CCSER1: variants seen among roughly 807,000 people sequenced by gnomAD.
The protein encoded by CCSER1 is serine-rich coiled-coil domain-containing protein 1.
Under a neutral mutation model 82.0 loss-of-function variants are expected in CCSER1, and 41 were observed. The ratio of observed to expected loss-of-function variants is 0.50; its 90% CI spans 0.39 to 0.65. CCSER1 has a LOEUF of 0.65. Among genes scored for constraint, CCSER1 ranks in the 30% least tolerant of loss-of-function variants. The pLI, the probability that CCSER1 is intolerant of heterozygous loss-of-function variation, is 0.00. For missense variants in CCSER1, 1,119 were observed against 1,064.2 expected, an observed-to-expected ratio of 1.05 and a Z score of -0.72; for synonymous variants, 414 against 383.9, an observed-to-expected ratio of 1.08 and a Z score of -0.92.
intron 1 of CCSER1, among the ~76,000 whole-genome samples, chr4:90,193,415 A>G (rs1736011276): frequency 6.6e-6 from 1 of 152,080 alleles, no homozygotes; most frequent in African/African-American, 2.4e-5. Flanking sequence ...TGAATTTGGA[A>G]TTGAATAGCT....
chr4:91,507,421 TTTTA>T (rs920571773), intron 10 of CCSER1, among the ~76,000 whole-genome samples: 7 of 152,172 alleles, frequency 4.6e-5, no homozygotes, highest in South Asian at 2.1e-4. Context: ...TTTGCATATC[TTTTA>T]TTTATTTATT....
intron 8 of CCSER1, among the ~76,000 whole-genome samples, chr4:90,901,344 A>C (rs1724627794): frequency 6.6e-6 from 1 of 151,852 alleles, no homozygotes; most frequent in South Asian, 2.1e-4. Context: ...ATTGTTAGCT[A>C]GTTGCTTTGT....
chr4:90,454,080 G>C (rs1022805143), intron 4 of CCSER1, among the ~76,000 whole-genome samples: 1 of 152,154 alleles, frequency 6.6e-6, no homozygotes, highest in African/African-American at 2.4e-5. Context: ...ACAGGGTCAA[G>C]GTGGCTTTCT....
At chr4:90,453,892 C>A (rs1309290407) in intron 4 of CCSER1, among the ~76,000 whole-genome samples, 3 of 152,140 alleles carry the variant, frequency 2.0e-5, no homozygotes, top group Admixed American at 2.0e-4. Context: ...TTCCTCCCTT[C>A]AACTTTCAGA....
intron 4 of CCSER1, among the ~76,000 whole-genome samples, chr4:90,453,977 G>T (rs1761837176): frequency 6.6e-6 from 1 of 152,164 alleles, no homozygotes; most frequent in African/African-American, 2.4e-5. Flanking sequence ...GGATGTGTGA[G>T]TCCTGCTGGA....
chr4:90,234,214 C>CT (rs555966703), intron 1 of CCSER1, among the ~76,000 whole-genome samples: 1,435 of 141,372 alleles, frequency 0.01, 7 homozygotes, highest in African/African-American at 0.015. Context: ...CTCTCTTATT[C>CT]TTTTTTTTTT....
chr4:91,134,348 A>C (rs1449446246), intron 10 of CCSER1, among the ~76,000 whole-genome samples: 3 of 151,770 alleles, frequency 2.0e-5, no homozygotes, highest in African/African-American at 7.3e-5. Flanking sequence ...GTGAGCTTTG[A>C]TCATGCCACT....
intron 1 of CCSER1, among the ~76,000 whole-genome samples, chr4:90,246,920 A>G (rs1043553983): frequency 2.6e-5 from 4 of 152,060 alleles, no homozygotes; most frequent in African/African-American, 9.6e-5. Flanking sequence ...TAAAGGAAAC[A>G]CTTTGCGGCT....
At chr4:90,707,516 G>A (rs62314439) in intron 6 of CCSER1, among the ~76,000 whole-genome samples, 67,215 of 146,552 alleles carry the variant, frequency 0.46, 15,759 homozygotes, top group African/African-American at 0.59. Context: ...AGGAAATTCT[G>A]TCATTTCTAC....
intron 5 of CCSER1, among the ~76,000 whole-genome samples, chr4:90,576,619 T>TTTG (rs910158848): frequency 2.5e-4 from 38 of 152,292 alleles, no homozygotes; most frequent in African/African-American, 9.1e-4. Context: ...CATTCTACAG[T>TTTG]TTGTAGCCTT....
intron 5 of CCSER1, among the ~76,000 whole-genome samples, chr4:90,505,320 G>A (rs561913361): frequency 6.6e-6 from 1 of 152,148 alleles, no homozygotes; most frequent in Non-Finnish European, 1.5e-5. Context: ...GAAGCCTTAC[G>A]GCCACTTCCC....
Position 91,461,479 on chromosome 4 carries a change from G to GA in CCSER1, c.2218-137084dup, listed in dbSNP as rs936342618. The stretch of plus-strand genomic sequence containing the variant: ...GTGTGTAAAATATATCCTTTATTAA[G>GA]AAAAAAAAAGTATAGTTGTGGGACA... On this transcript the variant is annotated intron_variant, in intron 10 of 10. Coordinates refer to ENST00000509176, the MANE Select transcript of CCSER1 (RefSeq NM_001145065.2). Among the ~76,000 whole-genome samples the GA allele has an allele frequency of 3.2e-4, 49 of 151,058 alleles. No homozygotes were observed. The East Asian group carries it at 5.8e-3, about 18-fold the overall frequency.
At chr4:90,317,641 A>G (rs1356066574) in intron 3 of CCSER1, among the ~76,000 whole-genome samples, 2 of 152,138 alleles carry the variant, frequency 1.3e-5, no homozygotes, top group Non-Finnish European at 2.9e-5. Context: ...TAAATAAAAT[A>G]AAATAAATAA....
At chr4:90,277,341 G>T (rs1406605134) in intron 1 of CCSER1, among the ~76,000 whole-genome samples, 1 of 152,118 alleles carries the variant, frequency 6.6e-6, no homozygotes, top group Non-Finnish European at 1.5e-5. Flanking sequence ...AAGAGAGCCT[G>T]AATAGGCAAA....
chr4:90,694,737 A>G (rs2048736), intron 6 of CCSER1, among the ~76,000 whole-genome samples: 342 of 151,922 alleles, frequency 2.3e-3, no homozygotes, highest in African/African-American at 7.8e-3. Context: ...TCCCTTTAGC[A>G]GAAACAGCTC....
intron 5 of CCSER1, among the ~76,000 whole-genome samples, chr4:90,473,513 AAGTAGGTTCTGTAAGCTCCTTCT>A (rs1459440900): frequency 1.3e-5 from 2 of 152,194 alleles, no homozygotes; most frequent in African/African-American, 4.8e-5. Context: ...TCTTGTCATG[AAGTAGGTTCTGTAAGCTCCTTCT>A]GAAAGGTAAC....
intron 6 of CCSER1, among the ~76,000 whole-genome samples, chr4:90,638,676 A>G (rs970268903): frequency 6.6e-6 from 1 of 152,290 alleles, no homozygotes. Flanking sequence ...CTGCTGTACA[A>G]CTTGGTCTTG....
intron 10 of CCSER1, among the ~76,000 whole-genome samples, chr4:91,145,510 G>T (rs946857908): frequency 1.3e-5 from 2 of 152,078 alleles, no homozygotes; most frequent in African/African-American, 4.8e-5. Context: ...TTAGCTGGTT[G>T]CTTTGAAGTC....
chr4:90,699,378 T>A (rs1472476066), intron 6 of CCSER1, among the ~76,000 whole-genome samples: 1 of 152,114 alleles, frequency 6.6e-6, no homozygotes, highest in African/African-American at 2.4e-5. Context: ...GGCATGAGAA[T>A]CTCTTGAACC....
Sources: allele counts gnomAD v4.1 joint callset (sites outside exome capture counted in the v4.1 genomes callset), GRCh38; gene constraint gnomAD v4.1.1; transcripts MANE v1.5; gene names NCBI Gene and HGNC (gene_info 2026-07-23, HGNC 2026-07-21).